Variants in POGLUT1 observed in about 807,000 individuals in gnomAD.
POGLUT1 encodes 9630046K23Rik.
In POGLUT1, 32 loss-of-function variants were observed where a neutral mutation model predicts 61.3. That is an observed-to-expected ratio of 0.52 (90% CI 0.39 to 0.70). The LOEUF (loss-of-function observed/expected upper bound fraction) is 0.70, where lower values mean the gene tolerates loss of function less well. Ranked by LOEUF, POGLUT1 falls within the 30% of genes least tolerant of loss-of-function variation. The pLI is 0.00. For missense variants in POGLUT1, 411 were observed against 469.8 expected, an observed-to-expected ratio of 0.87 and a Z score of 1.16; for synonymous variants, 158 against 158.2, an observed-to-expected ratio of 1.00 and a Z score of 0.01.
At chr3:119,469,208 C>T (rs753915524) in intron 1 of POGLUT1, 102 bp downstream of exon 1, 13 of 909,650 alleles carry the variant, frequency 1.4e-5, no homozygotes, top group East Asian at 2.6e-5. Flanking sequence ...ATGCCGTGGC[C>T]GCTGTAGCTC....
chr3:119,484,160 G>C (rs1467043067), intron 5 of POGLUT1, among the ~76,000 whole-genome samples: 2 of 152,212 alleles, frequency 1.3e-5, no homozygotes, highest in Non-Finnish European at 1.5e-5. Context: ...GAAAAGGCCA[G>C]AGGATGAGCC....
intron 8 of POGLUT1, chr3:119,489,844 CTG>C (rs1178566469): frequency 6.6e-6 from 1 of 152,310 alleles, no homozygotes. Context: ...GGAGCACAAA[CTG>C]TATTGTGAAC....
At position 119,471,371 on chromosome 3, in the gene POGLUT1, T is replaced by G; in HGVS notation, c.239T>G (p.Val80Gly). The change falls in exon 3 of 11, where the codon GTA becomes GGA. Residue 80 changes from valine (V) to glycine (G), a missense_variant. Transcript: ENST00000295588. ...GGISRKMMAE[V>G]VRRKLGTHYQ... ...ATCTCCAGGAAGATGATGGCAGAGG[T>G]AGTCAGACGGAAGCTAGGGACCCAC... The G allele has an allele frequency of 1.2e-6, 2 of 1,613,718 alleles. No homozygotes were observed. Among genetic ancestry groups the G allele is most frequent in the South Asian group, 2.2e-5 (2 of 91,064 alleles).
chr3:119,469,017 C>T lies in POGLUT1; in HGVS notation c.-5C>T, dbSNP rs376976008. 4.6e-5 allele frequency: 74 copies of T among 1,606,366 alleles called. No individual in the cohort carries two copies. Among genetic ancestry groups the T allele is most frequent in the Non-Finnish European group, 5.4e-5 (64 of 1,177,644 alleles). On this transcript the variant is annotated 5_prime_UTR_variant, in exon 1 of 11. Coordinates refer to ENST00000295588, the MANE Select transcript of POGLUT1 (RefSeq NM_152305.3). ...AGCGGGGAATCTGCAGTAGGTCTGC[C>T]GGCGATGGAGTGGTGGGCTAGCTCG... is the stretch of plus-strand genomic sequence containing the variant.
At chr3:119,476,788 G>A (rs2081542461) in intron 3 of POGLUT1, among the ~76,000 whole-genome samples, 1 of 152,184 alleles carries the variant, frequency 6.6e-6, no homozygotes, top group Non-Finnish European at 1.5e-5. Context: ...CTGGCTTGCA[G>A]AACTGATTTT....
At chr3:119,471,055 G>A (rs965375984) in intron 2 of POGLUT1, among the ~76,000 whole-genome samples, 7 of 152,204 alleles carry the variant, frequency 4.6e-5, no homozygotes, top group East Asian at 1.9e-4. Context: ...ATACAGAACT[G>A]CCAAGGGAGG....
At chr3:119,477,542 T>C in intron 4 of POGLUT1, 94 bp downstream of exon 4, 1 of 1,230,782 alleles carries the variant, frequency 8.1e-7, no homozygotes, top group South Asian at 1.3e-5. Flanking sequence ...TGATGGATAA[T>C]GGTAAGGATG....
rs528035283 is a variant in POGLUT1, at chr3:119,493,510, G to T, written c.*1072G>T. On this transcript the variant is annotated 3_prime_UTR_variant, in exon 11 of 11. Transcript: ENST00000295588. ...AGTAAAAAATGAAGAAAAATGTTTA[G>T]ATTAAAACTCTGTAGTCTGATGACT... is the stretch of plus-strand genomic sequence containing the variant. The T allele has an allele frequency of 3.9e-5, 6 of 152,136 alleles. No individual in the cohort carries two copies. The highest frequency in any genetic ancestry group is 7.2e-5 in the African/African-American group (3 of 41,430). 9.4% of individuals were successfully genotyped at this position (152,136 alleles called of 1,614,324 possible).
intron 3 of POGLUT1, 106 bp downstream of exon 3, chr3:119,471,558 A>G: frequency 1.0e-6 from 1 of 1,002,162 alleles, no homozygotes; most frequent in East Asian, 2.4e-5. Flanking sequence ...ATCCCTCCTC[A>G]CATTTCAGGC....
chr3:119,477,506 T>G (rs1370013467), intron 4 of POGLUT1, 58 bp downstream of exon 4: 11 of 1,525,576 alleles, frequency 7.2e-6, no homozygotes, highest in African/African-American at 1.4e-5. Context: ...GATATGAGCA[T>G]GAGATCTTTG....
At chr3:119,482,140 C>G (rs574935970) in intron 5 of POGLUT1, among the ~76,000 whole-genome samples, 2 of 152,172 alleles carry the variant, frequency 1.3e-5, no homozygotes, top group African/African-American at 2.4e-5. Context: ...CCTTTCCCCC[C>G]CTCCTCAGGT....
intron 5 of POGLUT1, 96 bp downstream of exon 5, chr3:119,480,268 G>A (rs1269616668): frequency 2.0e-6 from 2 of 1,009,344 alleles, no homozygotes; most frequent in Non-Finnish European, 2.7e-6. Flanking sequence ...TTTTTTTTGA[G>A]ACGGAGTTTC....
intron 8 of POGLUT1, 168 bp downstream of exon 8, chr3:119,489,155 T>C (rs2081709069): frequency 2.2e-6 from 1 of 460,260 alleles, no homozygotes; most frequent in African/African-American, 1.9e-5. Context: ...CTGAGTTCTG[T>C]GGCGACTGTA....
chr3:119,482,516 G>A (rs1375369980), intron 5 of POGLUT1, among the ~76,000 whole-genome samples: 1 of 152,192 alleles, frequency 6.6e-6, no homozygotes, highest in African/African-American at 2.4e-5. Context: ...TTTCCCCCAG[G>A]TAAACTAGTA....
Position 119,485,394 on chromosome 3 carries a change from T to G in POGLUT1, c.638+7T>G. ...CATATTTCCGAGGATCAAGGTGAGT[T>G]ATTTTCTGACATTTTACAAAGATAT... On this transcript the variant is annotated splice_region_variant and intron_variant, in intron 6 of 10. Coordinates refer to ENST00000295588, the MANE Select transcript of POGLUT1 (RefSeq NM_152305.3). 1 of 1,590,630 alleles carries G rather than the reference T, an allele frequency of 6.3e-7. No homozygotes were observed. Among genetic ancestry groups the G allele is most frequent in the Non-Finnish European group, 8.6e-7 (1 of 1,159,470 alleles).
At chr3:119,482,180 T>G (rs923624459) in intron 5 of POGLUT1, among the ~76,000 whole-genome samples, 1 of 152,258 alleles carries the variant, frequency 6.6e-6, no homozygotes, top group Non-Finnish European at 1.5e-5. Flanking sequence ...ACATTCTTCT[T>G]TTTGTAGCTC....
rs1038507408 is a variant in POGLUT1, at chr3:119,492,938, G to A, written c.*500G>A. The A allele has an allele frequency of 6.6e-6, 1 of 152,576 alleles. No individual in the cohort carries two copies. The highest frequency in any genetic ancestry group is 1.5e-5 in the Non-Finnish European group (1 of 68,048). The allele number at this position is 152,576 out of a possible 1,614,324, so 9.5% of individuals were successfully genotyped here. A position where few individuals can be genotyped will look rare whatever the true frequency, so the allele number is the denominator to read the frequency against. ...TATGGGGTTTATGAAAAATACTTGGGGATCATTCTCTGAATGGTCTAAGGA... is the reference window on the plus strand; with the variant it reads ...TATGGGGTTTATGAAAAATACTTGGAGATCATTCTCTGAATGGTCTAAGGA... On this transcript the variant is annotated 3_prime_UTR_variant, in exon 11 of 11. Transcript: ENST00000295588.
At chr3:119,471,553 TC>T in intron 3 of POGLUT1, 101 bp downstream of exon 3, 1 of 1,037,718 alleles carries the variant, frequency 9.6e-7, no homozygotes, top group Non-Finnish European at 1.5e-6. Flanking sequence ...AGCAGATCCC[TC>T]CTCACATTTC....
chr3:119,492,859 T>A lies in POGLUT1; in HGVS notation c.*421T>A, dbSNP rs2081767696. 1 of 153,046 alleles carries A rather than the reference T, an allele frequency of 6.5e-6. No individual in the cohort carries two copies. The highest frequency in any genetic ancestry group is 2.4e-5 in the African/African-American group (1 of 41,464). 9.5% of individuals were successfully genotyped at this position (153,046 alleles called of 1,614,324 possible). A position where few individuals can be genotyped will look rare whatever the true frequency, so the allele number is the denominator to read the frequency against. ...AAGTAGTACAACTCATTGCTGGAATTGTGAAATTATTCAAGGCGTGATCTC... is the reference window on the plus strand; with the variant it reads ...AAGTAGTACAACTCATTGCTGGAATAGTGAAATTATTCAAGGCGTGATCTC... On this transcript the variant is annotated 3_prime_UTR_variant, in exon 11 of 11. Coordinates refer to ENST00000295588, the MANE Select transcript of POGLUT1 (RefSeq NM_152305.3).
Sources: allele counts gnomAD v4.1 joint callset (sites outside exome capture counted in the v4.1 genomes callset), GRCh38; gene constraint gnomAD v4.1.1; transcripts MANE v1.5; gene names NCBI Gene and HGNC (gene_info 2026-07-23, HGNC 2026-07-21).